RASGRF1: variants seen among roughly 807,000 people sequenced by gnomAD.
The protein encoded by RASGRF1 is ras-specific guanine nucleotide-releasing factor 1.
RASGRF1 carries 40 observed loss-of-function variants against 138.7 expected under a neutral mutation model. The observed-to-expected ratio is 0.29, with a 90% CI of 0.22 to 0.38. The LOEUF is 0.38. RASGRF1 is among the 10% of genes least tolerant of loss of function. The probability of loss-of-function intolerance (pLI) is 1.00; values close to 1 mark genes in which losing one functional copy is unlikely to be tolerated. For synonymous variants in RASGRF1, 614 were observed against 663.2 expected, an observed-to-expected ratio of 0.93 and a Z score of 1.14; for missense variants, 1,108 against 1,650.4, an observed-to-expected ratio of 0.67 and a Z score of 5.69.
chr15:79,005,311 G>A (rs2056646031), intron 14 of RASGRF1: 6 of 985,552 alleles, frequency 6.1e-6, no homozygotes, highest in Non-Finnish European at 7.2e-6. Flanking sequence ...GGAGCCCTGG[G>A]GAGCCAGTGT....
intron 21 of RASGRF1, among the ~76,000 whole-genome samples, chr15:78,990,851 A>G (rs576945951): frequency 8.5e-5 from 13 of 152,336 alleles, no homozygotes; most frequent in African/African-American, 3.1e-4. Flanking sequence ...AGAGGGACAT[A>G]TCAGGAATAT....
intron 3 of RASGRF1, among the ~76,000 whole-genome samples, chr15:79,051,261 C>T (rs188287549): frequency 6.1e-4 from 93 of 152,314 alleles, no homozygotes; most frequent in Non-Finnish European, 1.2e-3. Flanking sequence ...AACAGTTACC[C>T]GCTCTCCACT....
chr15:79,031,394 C>G lies in RASGRF1; in HGVS notation c.1262+6G>C. 1 of 1,590,182 alleles carries G rather than the reference C, an allele frequency of 6.3e-7. No homozygotes were observed. The highest frequency in any genetic ancestry group is 8.6e-7 in the Non-Finnish European group (1 of 1,163,630). The stretch of plus-strand genomic sequence containing the variant: ...CGGTCTGGTGCACTGAAGAGCCAGG[C>G]CTCACCTGGACAGCTCCTCCAGTTT... On this transcript the variant is annotated splice_donor_region_variant and intron_variant, in intron 8 of 26. Coordinates refer to ENST00000558480, the MANE Select transcript of RASGRF1 (RefSeq NM_001145648.3).
chr15:78,993,175 G>A (rs2056309205), intron 20 of RASGRF1, among the ~76,000 whole-genome samples: 1 of 107,052 alleles, frequency 9.3e-6, no homozygotes, highest in South Asian at 3.1e-4. Flanking sequence ...ATGTGTGTAT[G>A]TGGTGTGTGT....
Position 79,004,064 on chromosome 15 carries a change from G to T in RASGRF1, c.2187C>A (p.Ile729=). ...RKFSSPPPLS[I]TKTSSPSRRR... ...GGCGGCTCGGTGACGATGTCTTGGTGATGGACAGAGGTGGCGGCGAGGAGA... is the reference window on the plus strand; with the variant it reads ...GGCGGCTCGGTGACGATGTCTTGGTTATGGACAGAGGTGGCGGCGAGGAGA... Residue 729 remains isoleucine (I), a synonymous_variant, in exon 15 of 27, where the codon ATC becomes ATA. Transcript: ENST00000558480. 6.2e-7 allele frequency: 1 copy of T among 1,614,166 alleles called. No individual in the cohort carries two copies.
intron 6 of RASGRF1, among the ~76,000 whole-genome samples, chr15:79,033,581 C>CTTTTTTTTT (rs71148586): frequency 2.7e-4 from 25 of 93,958 alleles, no homozygotes; most frequent in African/African-American, 5.7e-4. Context: ...TTTTTCTTTT[C>CTTTTTTTTT]TTTTTTTTTT....
At chr15:79,002,129 T>C (rs2056543162) in intron 15 of RASGRF1, among the ~76,000 whole-genome samples, 1 of 152,000 alleles carries the variant, frequency 6.6e-6, no homozygotes, top group African/African-American at 2.4e-5. Flanking sequence ...GTGATGGCCA[T>C]GTGGTTGGTC....
At chr15:79,038,662 C>T (rs558721062) in intron 5 of RASGRF1, among the ~76,000 whole-genome samples, 1 of 152,194 alleles carries the variant, frequency 6.6e-6, no homozygotes, top group South Asian at 2.1e-4. Context: ...AGTGTATAGT[C>T]TGACATCTAT....
chr15:79,008,362 C>T (rs1470869361), intron 13 of RASGRF1, among the ~76,000 whole-genome samples: 1 of 152,130 alleles, frequency 6.6e-6, no homozygotes, highest in African/African-American at 2.4e-5. Context: ...GCACAGGGCC[C>T]GTAAAGATAC....
At chr15:79,030,189 G>C (rs1333954810) in intron 8 of RASGRF1, among the ~76,000 whole-genome samples, 1 of 152,182 alleles carries the variant, frequency 6.6e-6, no homozygotes, top group African/African-American at 2.4e-5. Flanking sequence ...ACCCAGCTGG[G>C]AGCTGTGGCC....
intron 22 of RASGRF1, among the ~76,000 whole-genome samples, chr15:78,988,839 G>GT (rs555940270): frequency 0.61 from 76,905 of 127,006 alleles, 24,180 homozygotes; most frequent in East Asian, 0.8. Context: ...CTGGGAGGGA[G>GT]TTTTTTTTTT....
rs1285349257 is a variant in RASGRF1 at position 79,006,934 on chromosome 15, C to A, written c.1827-500G>T. On this transcript the variant is annotated intron_variant, in intron 13 of 26. Coordinates refer to ENST00000558480, the MANE Select transcript of RASGRF1 (RefSeq NM_001145648.3). The surrounding 1 kb of genome is among the most constrained non-coding windows in gnomAD (Gnocchi z 4.0). ...GGCTGAGGCACAAGAATCGCTTGAA[C>A]CCTGGAGATGGAGGTTGCAGTGAGC... 6.6e-6 allele frequency among the ~76,000 whole-genome samples: 1 copy of A among 152,170 alleles called. No individual in the cohort carries two copies. The highest frequency in any genetic ancestry group is 1.5e-5 in the Non-Finnish European group (1 of 68,038).
chr15:78,988,122 C>T (rs749420023), intron 22 of RASGRF1, among the ~76,000 whole-genome samples: 1 of 152,176 alleles, frequency 6.6e-6, no homozygotes, highest in Non-Finnish European at 1.5e-5. Flanking sequence ...CTGAAGTAGA[C>T]CGTGTGCGTT....
In RASGRF1 at chr15:79,027,929, GCTTCTGGCCAGAC is replaced by G; in HGVS notation, c.1263-83_1263-71del. ...CTTCCCAGGGAGGCGAGAATGCCAG[GCTTCTGGCCAGAC>G]CTAGGAAGAAAGCCTGGCACAAGGA... is the stretch of plus-strand genomic sequence containing the variant. On this transcript the variant is annotated intron_variant, in intron 8 of 26. Coordinates refer to ENST00000558480, the MANE Select transcript of RASGRF1 (RefSeq NM_001145648.3). The surrounding 1 kb of genome is among the most constrained non-coding windows in gnomAD (Gnocchi z 4.8). The G allele has an allele frequency of 6.7e-7, 1 of 1,486,322 alleles. No homozygotes were observed. Among genetic ancestry groups the G allele is most frequent in the Non-Finnish European group, 9.4e-7 (1 of 1,067,694 alleles). The allele number at this position is 1,486,322 out of a possible 1,614,324, so 92.1% of individuals were successfully genotyped here.
intron 13 of RASGRF1, among the ~76,000 whole-genome samples, chr15:79,008,103 A>C (rs1258534339): frequency 6.6e-6 from 1 of 152,148 alleles, no homozygotes; most frequent in Non-Finnish European, 1.5e-5. Context: ...GGCCTCCCAG[A>C]GTGCTGGGAT....
chr15:78,997,921 C>A (rs1451985223), intron 19 of RASGRF1, 175 bp downstream of exon 19: 2 of 605,614 alleles, frequency 3.3e-6, no homozygotes, highest in South Asian at 1.9e-5. Flanking sequence ...AATAGACTAC[C>A]CAGCCCTGAG....
At chr15:78,995,822 C>T (rs767744886) in intron 19 of RASGRF1, 22 bp from the exon 20 acceptor site, 12 of 1,613,670 alleles carry the variant, frequency 7.4e-6, no homozygotes, top group South Asian at 1.1e-5. Context: ...CGAGAAGGCA[C>T]GGTGAGCCCC....
Position 79,073,911 on chromosome 15 carries a change from G to A in RASGRF1, c.277-9385C>T, listed in dbSNP as rs551727905. 3.9e-5 allele frequency among the ~76,000 whole-genome samples: 6 copies of A among 152,312 alleles called. No homozygotes were observed. The South Asian group carries it at 1.0e-3, about 26-fold the overall frequency. ...AACAAGCCCCCCAGGTGATCCTGCT[G>A]CACCCTGTGGTATGAGAAGCATTGC... On this transcript the variant is annotated intron_variant, in intron 1 of 26. Coordinates refer to ENST00000558480, the MANE Select transcript of RASGRF1 (RefSeq NM_001145648.3). The surrounding 1 kb of genome is among the most constrained non-coding windows in gnomAD (Gnocchi z 4.2).
intron 1 of RASGRF1, among the ~76,000 whole-genome samples, chr15:79,067,749 TAGGA>T (rs2057698950): frequency 6.6e-6 from 1 of 152,004 alleles, no homozygotes; most frequent in South Asian, 2.1e-4. Context: ...TTGCTCTATG[TAGGA>T]ATTGGTAGGG....
Sources: allele counts gnomAD v4.1 joint callset (sites outside exome capture counted in the v4.1 genomes callset), GRCh38; gene constraint gnomAD v4.1.1; non-coding constraint Gnocchi (gnomAD v3.1); transcripts MANE v1.5; gene names NCBI Gene and HGNC (gene_info 2026-07-23, HGNC 2026-07-21).